Variants in EFNA5 observed in about 807,000 individuals in gnomAD.
EFNA5 encodes ephrin-A5.
A neutral mutation model predicts 22.9 loss-of-function variants in EFNA5; 5 were observed. The ratio of observed to expected loss-of-function variants is 0.22; its 90% CI spans 0.11 to 0.46. The LOEUF (loss-of-function observed/expected upper bound fraction) is 0.46, where lower values mean the gene tolerates loss of function less well. Among genes scored for constraint, EFNA5 ranks in the 20% least tolerant of loss-of-function variants. The probability of loss-of-function intolerance (pLI) is 0.99; values close to 1 mark genes in which losing one functional copy is unlikely to be tolerated. For missense variants in EFNA5, 237 were observed against 293.3 expected (o/e 0.81, Z 1.40); for synonymous variants, 113 against 112.2 (o/e 1.01, Z -0.04).
At chr5:107,396,300 C>T (rs1406164740) in intron 2 of EFNA5, among the ~76,000 whole-genome samples, 2 of 152,178 alleles carry the variant, frequency 1.3e-5, no homozygotes, top group African/African-American at 4.8e-5. Context: ...AGCTGCTTAA[C>T]GTGCCTACGC....
rs1393910726 is a variant in EFNA5 at position 107,591,874 on chromosome 5, AATATATAAT to A, written c.125+78606_125+78614del. Among the ~76,000 whole-genome samples the A allele has an allele frequency of 3.7e-4, 15 of 40,266 alleles. 2 individuals are homozygous for A. The highest frequency in any genetic ancestry group is 2.5e-3 in the African/African-American group (15 of 5,984). 26.4% of individuals were successfully genotyped at this position (40,266 alleles called of 152,430 possible). A position where few individuals can be genotyped will look rare whatever the true frequency, so the allele number is the denominator to read the frequency against. The stretch of plus-strand genomic sequence containing the variant: ...TATATAATATAAAAAATATATATAT[AATATATAAT>A]ATATATATTATATATAATATATAAT... On this transcript the variant is annotated intron_variant, in intron 1 of 4. Coordinates refer to ENST00000333274, the MANE Select transcript of EFNA5 (RefSeq NM_001962.3).
intron 1 of EFNA5, among the ~76,000 whole-genome samples, chr5:107,561,156 C>T (rs1220854115): frequency 6.6e-6 from 1 of 152,144 alleles, no homozygotes; most frequent in East Asian, 1.9e-4. Context: ...AATTTCAGTG[C>T]ACAAGACAAC....
chr5:107,499,874 G>C (rs529425311), intron 1 of EFNA5, among the ~76,000 whole-genome samples: 1 of 152,258 alleles, frequency 6.6e-6, no homozygotes, highest in African/African-American at 2.4e-5. Context: ...AAGGTAAATA[G>C]GCCCATGGAG....
At chr5:107,464,713 A>T (rs2112459260) in intron 1 of EFNA5, among the ~76,000 whole-genome samples, 1 of 152,302 alleles carries the variant, frequency 6.6e-6, no homozygotes. Context: ...AGTTGCCCAT[A>T]GGCTCAAATT....
chr5:107,596,004 A>T (rs904465868), intron 1 of EFNA5, among the ~76,000 whole-genome samples: 2 of 152,208 alleles, frequency 1.3e-5, no homozygotes, highest in Non-Finnish European at 2.9e-5. Context: ...TGCCTCAGAA[A>T]AAAATATTCC....
At chr5:107,464,237 C>T (rs1173661481) in intron 1 of EFNA5, among the ~76,000 whole-genome samples, 1 of 152,126 alleles carries the variant, frequency 6.6e-6, no homozygotes, top group African/African-American at 2.4e-5. Context: ...CAAAAGGAAG[C>T]TTTGGTCCAC....
At chr5:107,558,630 C>T (rs1345976740) in intron 1 of EFNA5, among the ~76,000 whole-genome samples, 2 of 152,192 alleles carry the variant, frequency 1.3e-5, no homozygotes, top group Admixed American at 6.5e-5. Context: ...ATTTAAATTG[C>T]TCTTTGTCCA....
At chr5:107,612,120 A>C (rs1240163603) in intron 1 of EFNA5, among the ~76,000 whole-genome samples, 1 of 152,196 alleles carries the variant, frequency 6.6e-6, no homozygotes, top group Non-Finnish European at 1.5e-5. Flanking sequence ...CATGTCTCAA[A>C]TAGCACCATT....
At chr5:107,521,099 C>T (rs1747585731) in intron 1 of EFNA5, among the ~76,000 whole-genome samples, 2 of 152,140 alleles carry the variant, frequency 1.3e-5, no homozygotes, top group Admixed American at 6.5e-5. Context: ...TCCTGATAAA[C>T]GAACTCATTG....
intron 1 of EFNA5, among the ~76,000 whole-genome samples, chr5:107,649,522 T>C (rs1251396710): frequency 6.6e-6 from 1 of 152,160 alleles, no homozygotes; most frequent in African/African-American, 2.4e-5. Context: ...TCCAAAATTA[T>C]GCACCATGCA....
At chr5:107,572,518 A>G (rs1748835970) in intron 1 of EFNA5, among the ~76,000 whole-genome samples, 1 of 152,206 alleles carries the variant, frequency 6.6e-6, no homozygotes, top group Admixed American at 6.5e-5. Context: ...AAGATTCTTA[A>G]GTCATTCACA....
rs55898305 is a variant in EFNA5 at position 107,640,976 on chromosome 5, GTAGATAGATAGATAGA to G, written c.125+29497_125+29512del. On this transcript the variant is annotated intron_variant, in intron 1 of 4. Coordinates refer to ENST00000333274, the MANE Select transcript of EFNA5 (RefSeq NM_001962.3). ...ACCTGGTAGGTAGGTAGGTAGGCAGGTAGATAGATAGATAGATAGATAGATAGATAGATAGATAGAT... is the reference window on the plus strand; with the variant it reads ...ACCTGGTAGGTAGGTAGGTAGGCAGGTAGATAGATAGATAGATAGATAGAT... Among the ~76,000 whole-genome samples the G allele has an allele frequency of 6.9e-4, 101 of 145,564 alleles. 1 individual carries two copies. The highest frequency in any genetic ancestry group is 2.1e-3 in the African/African-American group (84 of 39,342).
intron 1 of EFNA5, among the ~76,000 whole-genome samples, chr5:107,592,026 T>C (rs1333681807): frequency 3.9e-5 from 2 of 51,934 alleles, no homozygotes; most frequent in African/African-American, 1.8e-4. Flanking sequence ...ATATAATATA[T>C]ATTATATATT....
At chr5:107,437,533 T>C (rs1336865099) in intron 1 of EFNA5, among the ~76,000 whole-genome samples, 6 of 152,254 alleles carry the variant, frequency 3.9e-5, no homozygotes, top group Non-Finnish European at 8.8e-5. Flanking sequence ...AACTGGGACT[T>C]TGCTGAATGC....
intron 2 of EFNA5, among the ~76,000 whole-genome samples, chr5:107,420,522 T>TAAAAAAAAAAAAAAAAAAAAGAA (rs368304882): frequency 9.2e-6 from 1 of 109,068 alleles, no homozygotes; most frequent in African/African-American, 3.8e-5. Flanking sequence ...TCTGTGCTTT[T>TAAAAAAAAAAAAAAAAAAAAGAA]AAAAAAAAAA....
Position 107,627,569 on chromosome 5 carries a change from G to A in EFNA5, c.125+42920C>T, listed in dbSNP as rs1265149249. Among the ~76,000 whole-genome samples, 7 of 149,572 alleles carry A rather than the reference G, an allele frequency of 4.7e-5. No individual in the cohort carries two copies. The East Asian group carries it at 1.2e-3, about 25-fold the overall frequency. ...GAGGACTGCTTGAGCCCAGGAGTTCGAGGTTGCTGTGAGCTATGATTGTGC... is the reference window on the plus strand; with the variant it reads ...GAGGACTGCTTGAGCCCAGGAGTTCAAGGTTGCTGTGAGCTATGATTGTGC... On this transcript the variant is annotated intron_variant, in intron 1 of 4. Coordinates refer to ENST00000333274, the MANE Select transcript of EFNA5 (RefSeq NM_001962.3).
chr5:107,406,185 G>A (rs1278316039), intron 2 of EFNA5, among the ~76,000 whole-genome samples: 1 of 147,760 alleles, frequency 6.8e-6, no homozygotes, highest in Non-Finnish European at 1.5e-5. Context: ...TACATAGAAT[G>A]TATACAAATA....
At chr5:107,537,169 C>A (rs1580518580) in intron 1 of EFNA5, among the ~76,000 whole-genome samples, 1 of 151,798 alleles carries the variant, frequency 6.6e-6, no homozygotes, top group Non-Finnish European at 1.5e-5. Flanking sequence ...ACAACAATTT[C>A]TTTCATTAGT....
At chr5:107,488,603 T>C (rs1456551038) in intron 1 of EFNA5, among the ~76,000 whole-genome samples, 2 of 152,224 alleles carry the variant, frequency 1.3e-5, no homozygotes, top group African/African-American at 4.8e-5. Flanking sequence ...TCAGAAGCTA[T>C]ACCTGGTTTT....
Sources: allele counts gnomAD v4.1 joint callset (sites outside exome capture counted in the v4.1 genomes callset), GRCh38; gene constraint gnomAD v4.1.1; transcripts MANE v1.5; gene names NCBI Gene and HGNC (gene_info 2026-07-23, HGNC 2026-07-21).